The following FAM118A variants were observed in gnomAD, a reference collection of about 807,000 sequenced individuals.
FAM118A encodes the protein protein FAM118A.
Under a neutral mutation model 38.2 loss-of-function variants are expected in FAM118A, and 25 were observed. The ratio of observed to expected loss-of-function variants is 0.65; its 90% CI spans 0.48 to 0.91. The LOEUF is 0.91. FAM118A is among the 40% of genes least tolerant of loss of function. The probability of loss-of-function intolerance (pLI) is 0.00; values close to 1 mark genes in which losing one functional copy is unlikely to be tolerated. For missense variants in FAM118A, 425 were observed against 463.3 expected (o/e 0.92, Z 0.76); for synonymous variants, 178 against 184.1 (o/e 0.97, Z 0.27).
intron 8 of FAM118A, among the ~76,000 whole-genome samples, chr22:45,340,099 C>T (rs2086381837): frequency 1.3e-5 from 2 of 152,172 alleles, no homozygotes; most frequent in African/African-American, 4.8e-5. Flanking sequence ...TTGAAATTGC[C>T]CCATCCTCAG....
At chr22:45,317,546 A>G (rs2084658585) in intron 1 of FAM118A, among the ~76,000 whole-genome samples, 1 of 152,194 alleles carries the variant, frequency 6.6e-6, no homozygotes, top group Non-Finnish European at 1.5e-5. Flanking sequence ...AGTTCTTGAC[A>G]CACATTCCCC....
intron 3 of FAM118A, among the ~76,000 whole-genome samples, chr22:45,326,824 C>CAAA (rs36188767): frequency 1.5e-4 from 6 of 40,416 alleles, no homozygotes; most frequent in South Asian, 9.7e-4. Context: ...GACTCTGTCT[C>CAAA]AAAAAAAAAA....
intron 4 of FAM118A, chr22:45,328,645 GTAA>G: frequency 1.8e-6 from 1 of 564,778 alleles, no homozygotes; most frequent in South Asian, 2.1e-5. Flanking sequence ...AAAAAAAAAA[GTAA>G]TAATGGAAAG....
Position 45,323,287 on chromosome 22 carries a change from A to G in FAM118A, c.160A>G (p.Ser54Gly). The G allele has an allele frequency of 1.2e-6, 2 of 1,614,208 alleles. No homozygotes were observed. Among genetic ancestry groups the G allele is most frequent in the Non-Finnish European group, 1.7e-6 (2 of 1,180,018 alleles). ...PGIPALCSWR[S>G]CIEAVIEAAE... ...AATCCCTGCCCTTTGCTCGTGGAGAAGCTGCATCGAGGCCGTCATCGAGGC... is the reference window on the plus strand; with the variant it reads ...AATCCCTGCCCTTTGCTCGTGGAGAGGCTGCATCGAGGCCGTCATCGAGGC... Residue 54 changes from serine (S) to glycine (G), a missense_variant, in exon 3 of 9, where the codon AGC (serine) becomes GGC (glycine). By Grantham distance (56) the Ser-to-Gly change is moderately conservative (BLOSUM62 0). Transcript: ENST00000441876.
intron 6 of FAM118A, among the ~76,000 whole-genome samples, chr22:45,334,621 T>C (rs1041789295): frequency 6.6e-6 from 1 of 152,230 alleles, no homozygotes; most frequent in African/African-American, 2.4e-5. Context: ...TGGTTTTTCA[T>C]GGCAGCATGC....
chr22:45,330,589 T>C lies in FAM118A; in HGVS notation c.523-14T>C. The C allele has an allele frequency of 6.6e-7, 1 of 1,518,472 alleles. No individual in the cohort carries two copies. The highest frequency in any genetic ancestry group is 8.8e-7 in the Non-Finnish European group (1 of 1,135,906). 94.1% of individuals were successfully genotyped at this position (1,518,472 alleles called of 1,614,324 possible). A position where few individuals can be genotyped will look rare whatever the true frequency, so the allele number is the denominator to read the frequency against. On this transcript the variant is annotated splice_polypyrimidine_tract_variant and intron_variant, in intron 4 of 8. Transcript: ENST00000441876. ...TGAGGATGTGTTTCTTTTTCTTGGC[T>C]TGATGTTTGGTAGGTCCTTGAATGG...
At chr22:45,331,870 C>T (rs73890287) in intron 5 of FAM118A, among the ~76,000 whole-genome samples, 13,105 of 146,816 alleles carry the variant, frequency 0.089, 644 homozygotes, top group African/African-American at 0.12. Context: ...TGTGCCCACC[C>T]GACCCCGTCA....
intron 5 of FAM118A, among the ~76,000 whole-genome samples, 157 bp from the exon 6 acceptor site, chr22:45,332,268 G>A (rs990426785): frequency 1.6e-5 from 2 of 123,608 alleles, no homozygotes; most frequent in East Asian, 2.4e-4. Context: ...GTGCCATGTC[G>A]GGAAGGATAC....
In FAM118A at chr22:45,336,335, A is replaced by G. The variant is rs745548095; in HGVS notation, c.978A>G (p.Ala326=). 2 of 1,612,536 alleles carry G rather than the reference A, an allele frequency of 1.2e-6. No homozygotes were observed. Among genetic ancestry groups the G allele is most frequent in the Admixed American group, 1.7e-5 (1 of 59,798 alleles). ...RVDSTTLLGN[A]CQDCAKRKLE... is the part of the protein sequence containing the mutation. ...TAAATTCTTCTCTTTTAGGTAATGC[A>G]TGCCAGGACTGTGCAAAGAGGAAGT... The change falls in exon 8 of 9, where the codon GCA becomes GCG. Residue 326 remains alanine, a synonymous_variant. Coordinates refer to ENST00000441876, the MANE Select transcript of FAM118A (RefSeq NM_017911.4).
At chr22:45,309,507 G>C (rs763755441), upstream of FAM118A, 2 of 152,360 alleles carry the variant, frequency 1.3e-5, no homozygotes, top group Admixed American at 6.5e-5. Context: ...CTGGGTTGGG[G>C]ACAGAAGCTG....
chr22:45,327,200 A>C (rs572348316), intron 3 of FAM118A, among the ~76,000 whole-genome samples: 1 of 151,938 alleles, frequency 6.6e-6, no homozygotes, highest in Admixed American at 6.6e-5. Context: ...TCCTGGCACC[A>C]CTGTGCTCCA....
chr22:45,330,454 T>G (rs945991547), intron 4 of FAM118A, 149 bp from the exon 5 acceptor site: 10 of 846,066 alleles, frequency 1.2e-5, no homozygotes, highest in South Asian at 3.1e-5. Flanking sequence ...TTCTCTTAGG[T>G]TTTGAAGGTA....
Position 45,330,741 on chromosome 22 carries a change from G to A in FAM118A, c.651+10G>A, listed in dbSNP as rs376285764. On this transcript the variant is annotated intron_variant, in intron 5 of 8. Coordinates refer to ENST00000441876, the MANE Select transcript of FAM118A (RefSeq NM_017911.4). ...AGACGCAGAAGTCATGGTACGGCCC[G>A]TCCTAATTAGCATCGGTGCGTCCTC... is the stretch of plus-strand genomic sequence containing the variant. The A allele has an allele frequency of 4.2e-5, 64 of 1,539,266 alleles. 1 individual carries two copies. The African/African-American group carries it at 7.2e-4, about 17-fold the overall frequency.
intron 1 of FAM118A, chr22:45,322,151 G>A (rs773062026): frequency 4.0e-6 from 6 of 1,485,972 alleles, no homozygotes; most frequent in South Asian, 3.7e-5. Context: ...GTAGAACAGC[G>A]AGAGTCCAAC....
intron 8 of FAM118A, 52 bp downstream of exon 8, chr22:45,336,463 C>T (rs773251996): frequency 1.4e-6 from 2 of 1,380,196 alleles, no homozygotes; most frequent in Admixed American, 3.4e-5. Flanking sequence ...CTCTTGTTGG[C>T]AGGCATCTTC....
chr22:45,317,636 C>A (rs2084662444), intron 1 of FAM118A, among the ~76,000 whole-genome samples: 1 of 152,234 alleles, frequency 6.6e-6, no homozygotes, highest in Non-Finnish European at 1.5e-5. Context: ...TCTCCCTGTC[C>A]CGCCAGGGTT....
At chr22:45,329,694 C>G (rs925296671) in intron 4 of FAM118A, 1 of 152,410 alleles carries the variant, frequency 6.6e-6, no homozygotes, top group Non-Finnish European at 1.5e-5. Flanking sequence ...GGCCAAGGCA[C>G]CCACTCCTGC....
chr22:45,314,423 G>A (rs1373094839), intron 1 of FAM118A, among the ~76,000 whole-genome samples: 2 of 152,262 alleles, frequency 1.3e-5, no homozygotes, highest in African/African-American at 4.8e-5. Flanking sequence ...GTGCCTTAAA[G>A]TGTTGGGGTC....
intron 4 of FAM118A, chr22:45,329,059 T>C (rs1384489193): frequency 6.5e-6 from 1 of 153,418 alleles, no homozygotes; most frequent in Admixed American, 6.4e-5. Context: ...TGAGGGATGA[T>C]CCTGCCCCGT....
Sources: gnomAD v4.1 joint callset for allele counts (sites outside exome capture counted in the v4.1 genomes callset) on GRCh38, gnomAD v4.1.1 for gene constraint, MANE v1.5 for transcripts, NCBI Gene and HGNC (gene_info 2026-07-23, HGNC 2026-07-21) for gene names.